The following DNAH8 variants were observed in gnomAD, a reference collection of about 807,000 sequenced individuals.
The protein encoded by DNAH8 is axonemal beta dynein heavy chain 8.
Under a neutral mutation model 562.1 loss-of-function variants are expected in DNAH8, and 382 were observed. The ratio of observed to expected loss-of-function variants is 0.68; its 90% CI spans 0.63 to 0.74. The LOEUF is 0.74. Among genes scored for constraint, DNAH8 ranks in the 30% least tolerant of loss-of-function variants. The pLI is 0.00. For missense variants in DNAH8, 5,203 were observed against 5,620.4 expected (o/e 0.93, Z 2.37); for synonymous variants, 1,881 against 1,919.4 (o/e 0.98, Z 0.52).
chr6:38,888,003 A>AT (rs902099183), intron 57 of DNAH8, among the ~76,000 whole-genome samples: 1 of 151,566 alleles, frequency 6.6e-6, no homozygotes, highest in Non-Finnish European at 1.5e-5. Context: ...CACCCGGCTA[A>AT]TTTTTTTGTA....
At chr6:38,719,388 C>T (rs748289565) in intron 1 of DNAH8, among the ~76,000 whole-genome samples, 34 of 152,212 alleles carry the variant, frequency 2.2e-4, no homozygotes, top group Admixed American at 4.6e-4. Flanking sequence ...CCCATCCTTC[C>T]CTTCCCCTTC....
intron 53 of DNAH8, among the ~76,000 whole-genome samples, chr6:38,879,545 T>C (rs559867863): frequency 9.2e-5 from 14 of 152,338 alleles, no homozygotes; most frequent in African/African-American, 2.9e-4. Context: ...TCTTTTGTGA[T>C]GAAATAGGAA....
intron 41 of DNAH8, among the ~76,000 whole-genome samples, chr6:38,855,782 A>G (rs928913302): frequency 6.6e-6 from 1 of 152,146 alleles, no homozygotes; most frequent in Non-Finnish European, 1.5e-5. Context: ...ATGGGCTATT[A>G]GAAACTGGGT....
chr6:38,747,001 T>A (rs1200232814), intron 8 of DNAH8, among the ~76,000 whole-genome samples: 1 of 152,208 alleles, frequency 6.6e-6, no homozygotes, highest in Admixed American at 6.5e-5. Context: ...TTTCTTCTAT[T>A]TCTAGGGTTT....
chr6:38,885,349 A>T (rs528471108), intron 56 of DNAH8, among the ~76,000 whole-genome samples: 4 of 152,030 alleles, frequency 2.6e-5, no homozygotes, highest in Non-Finnish European at 5.9e-5. Context: ...AAATTTGACC[A>T]CTACTCATCA....
At chr6:38,804,262 AT>A (rs1449114153) in intron 22 of DNAH8, among the ~76,000 whole-genome samples, 1 of 152,166 alleles carries the variant, frequency 6.6e-6, no homozygotes, top group African/African-American at 2.4e-5. Flanking sequence ...TGCTTCCTAG[AT>A]TATGGTTTAA....
chr6:38,871,021 G>A (rs12206567), intron 49 of DNAH8, among the ~76,000 whole-genome samples: 28,146 of 152,088 alleles, frequency 0.19, 3,028 homozygotes, highest in Non-Finnish European at 0.23. Flanking sequence ...GCATATGTTG[G>A]TGTCTTTCTG....
intron 70 of DNAH8, among the ~76,000 whole-genome samples, chr6:38,919,813 A>G (rs1243199456): frequency 6.6e-6 from 1 of 152,192 alleles, no homozygotes; most frequent in African/African-American, 2.4e-5. Flanking sequence ...CCAAAATGGT[A>G]CATTCTTAGC....
chr6:38,893,969 G>A (rs1235633977), intron 58 of DNAH8, among the ~76,000 whole-genome samples: 1 of 152,132 alleles, frequency 6.6e-6, no homozygotes, highest in East Asian at 1.9e-4. Flanking sequence ...ATCTCTCTGG[G>A]TAAGAATGTG....
At chr6:38,940,922 C>G (rs1344109840) in intron 79 of DNAH8, among the ~76,000 whole-genome samples, 1 of 46,302 alleles carries the variant, frequency 2.2e-5, no homozygotes, top group Non-Finnish European at 3.7e-5. Context: ...TCGAGACCAT[C>G]CTGGTCACCG....
chr6:38,989,702 A>C (rs972243976), intron 87 of DNAH8, among the ~76,000 whole-genome samples: 2 of 152,152 alleles, frequency 1.3e-5, no homozygotes, highest in African/African-American at 4.8e-5. Flanking sequence ...GTATGTTCCT[A>C]TTCCTAAAAT....
chr6:38,993,710 C>G (rs1354313597), intron 88 of DNAH8, among the ~76,000 whole-genome samples: 1 of 152,158 alleles, frequency 6.6e-6, no homozygotes, highest in Non-Finnish European at 1.5e-5. Flanking sequence ...TTTCTCTTAA[C>G]AATGTATCCT....
At chr6:38,814,164 G>T in intron 25 of DNAH8, 35 bp downstream of exon 25, 1 of 1,242,868 alleles carries the variant, frequency 8.0e-7, no homozygotes, top group South Asian at 1.3e-5. Flanking sequence ...AATTTGATAA[G>T]GTGCTTAAGA....
chr6:38,933,787 G>A (rs1782741056), intron 76 of DNAH8, among the ~76,000 whole-genome samples: 1 of 152,188 alleles, frequency 6.6e-6, no homozygotes, highest in South Asian at 2.1e-4. Context: ...TTAACACACA[G>A]CTAGTTACTG....
At chr6:38,932,259 G>C (rs1782615054) in intron 76 of DNAH8, among the ~76,000 whole-genome samples, 1 of 146,994 alleles carries the variant, frequency 6.8e-6, no homozygotes, top group Non-Finnish European at 1.5e-5. Context: ...TAGGTGTACT[G>C]ACTCTCTTAT....
chr6:38,925,330 TTTTATTTTATTTTA>T, intron 73 of DNAH8, among the ~76,000 whole-genome samples: 7 of 134,950 alleles, frequency 5.2e-5, no homozygotes, highest in African/African-American at 1.8e-4. Context: ...TTTTATTTTA[TTTTATTTTATTTTA>T]TTTTTTTTAG....
chr6:38,873,340 C>A lies in DNAH8; in HGVS notation c.7584C>A (p.Pro2528=), dbSNP rs748939836. ...CATATATGAAGCTAAATCTCAATCC[C>A]AAAATGCAGCTCTTGGAGTGCAACT... ...TYTYMKLNLN[P]KMQLLECNYI... Residue 2528 remains proline (P), a synonymous_variant, in exon 52 of 93, where the codon CCC becomes CCA. Transcript: ENST00000327475. 1.2e-6 allele frequency: 2 copies of A among 1,611,484 alleles called. No individual in the cohort carries two copies. The highest frequency in any genetic ancestry group is 2.2e-5 in the East Asian group (1 of 44,838).
intron 42 of DNAH8, among the ~76,000 whole-genome samples, chr6:38,858,039 C>T (rs1056508827): frequency 1.3e-5 from 2 of 152,230 alleles, no homozygotes; most frequent in South Asian, 4.2e-4. Context: ...TATGCTGGGT[C>T]GATTGGAAAA....
intron 79 of DNAH8, among the ~76,000 whole-genome samples, chr6:38,942,150 A>C (rs2150604552): frequency 6.6e-6 from 1 of 152,226 alleles, no homozygotes; most frequent in Non-Finnish European, 1.5e-5. Context: ...GAGAAATAAA[A>C]ATTTCTGTTG....
Sources: gnomAD v4.1 joint callset for allele counts (sites outside exome capture counted in the v4.1 genomes callset) on GRCh38, gnomAD v4.1.1 for gene constraint, MANE v1.5 for transcripts, NCBI Gene and HGNC (gene_info 2026-07-23, HGNC 2026-07-21) for gene names.